The following NLGN1 variants were observed in gnomAD, a reference collection of about 807,000 sequenced individuals.
NLGN1 encodes neuroligin 1, also known as neuroligin-1.
A neutral mutation model predicts 65.5 loss-of-function variants in NLGN1; 12 were observed. The observed-to-expected ratio is 0.18, with a 90% CI of 0.12 to 0.30. NLGN1 has a LOEUF of 0.30. NLGN1 is among the 10% of genes least tolerant of loss of function. The pLI is 1.00. For synonymous variants in NLGN1, 350 were observed against 359.5 expected, an observed-to-expected ratio of 0.97 and a Z score of 0.30; for missense variants, 750 against 1,007.1, an observed-to-expected ratio of 0.74 and a Z score of 3.46.
intron 4 of NLGN1, among the ~76,000 whole-genome samples, chr3:173,892,086 G>A (rs969466930): frequency 1.3e-5 from 2 of 151,902 alleles, no homozygotes; most frequent in Non-Finnish European, 1.5e-5. Context: ...ATCCTGATGC[G>A]TGAGAGAAGT....
intron 2 of NLGN1, among the ~76,000 whole-genome samples, chr3:173,468,109 G>A (rs1251346243): frequency 6.6e-6 from 1 of 152,102 alleles, no homozygotes; most frequent in Non-Finnish European, 1.5e-5. Context: ...TAGGCTGGAA[G>A]CACTTTAAGA....
At chr3:173,539,751 TAAC>T (rs1178517830) in intron 2 of NLGN1, among the ~76,000 whole-genome samples, 20 of 81,110 alleles carry the variant, frequency 2.5e-4, no homozygotes, top group East Asian at 9.1e-4. Context: ...TGTACATATA[TAAC>T]ATATACATGT....
intron 2 of NLGN1, among the ~76,000 whole-genome samples, chr3:173,511,120 C>A (rs1523342): frequency 0.43 from 64,652 of 151,530 alleles, 15,269 homozygotes; most frequent in East Asian, 0.85. Context: ...ATGAAGGCGT[C>A]TCATTTAGTA....
chr3:173,764,353 A>G (rs972745178), intron 3 of NLGN1, among the ~76,000 whole-genome samples: 8 of 152,314 alleles, frequency 5.3e-5, no homozygotes, highest in Admixed American at 2.6e-4. Context: ...ATGAAGGGCC[A>G]TGGACAGACT....
At chr3:173,409,939 A>G (rs1233898003) in intron 1 of NLGN1, among the ~76,000 whole-genome samples, 1 of 152,198 alleles carries the variant, frequency 6.6e-6, no homozygotes, top group East Asian at 1.9e-4. Flanking sequence ...GCCAAGAGGC[A>G]ATCTCTGGAG....
intron 3 of NLGN1, among the ~76,000 whole-genome samples, chr3:173,805,885 G>A (rs918611284): frequency 2.0e-5 from 3 of 152,124 alleles, no homozygotes; most frequent in Non-Finnish European, 4.4e-5. Flanking sequence ...TGCTTTCTCT[G>A]TGTAAGTCTA....
intron 2 of NLGN1, among the ~76,000 whole-genome samples, chr3:173,569,378 A>G (rs1249144244): frequency 1.3e-5 from 2 of 151,960 alleles, no homozygotes; most frequent in African/African-American, 4.8e-5. Flanking sequence ...AGTCACATGC[A>G]TTTTGTTACT....
chr3:173,714,222 G>C (rs1465406774), intron 3 of NLGN1, among the ~76,000 whole-genome samples: 1 of 152,058 alleles, frequency 6.6e-6, no homozygotes, highest in Non-Finnish European at 1.5e-5. Context: ...AATACATTTG[G>C]TGTTCAAAAT....
intron 3 of NLGN1, among the ~76,000 whole-genome samples, chr3:173,683,263 C>T (rs369390994): frequency 6.6e-6 from 1 of 152,142 alleles, no homozygotes; most frequent in Non-Finnish European, 1.5e-5. Context: ...ATCATTCCTA[C>T]ACATTTCAAG....
chr3:173,771,623 A>G (rs933233787), intron 3 of NLGN1, among the ~76,000 whole-genome samples: 2 of 25,564 alleles, frequency 7.8e-5, no homozygotes, highest in Non-Finnish European at 2.8e-4. Context: ...AATGGCTAGT[A>G]AACGCAGAAA....
chr3:173,953,425 A>G (rs569667722), intron 4 of NLGN1, among the ~76,000 whole-genome samples: 1 of 152,330 alleles, frequency 6.6e-6, no homozygotes, highest in Non-Finnish European at 1.5e-5. Flanking sequence ...GCTCTGTTCA[A>G]TTTTAGAGCT....
At chr3:174,005,898 A>C (rs1013670452) in intron 4 of NLGN1, among the ~76,000 whole-genome samples, 3 of 152,162 alleles carry the variant, frequency 2.0e-5, no homozygotes, top group Admixed American at 1.3e-4. Context: ...ATTTGTAAAA[A>C]TTAAATGATC....
At chr3:174,063,761 G>T (rs1347340799) in intron 4 of NLGN1, among the ~76,000 whole-genome samples, 1 of 152,096 alleles carries the variant, frequency 6.6e-6, no homozygotes, top group East Asian at 1.9e-4. Flanking sequence ...TTAACAGTTG[G>T]TAAATTTAGG....
intron 2 of NLGN1, among the ~76,000 whole-genome samples, chr3:173,562,584 G>A (rs182475066): frequency 2.4e-4 from 36 of 151,804 alleles, no homozygotes; most frequent in African/African-American, 8.4e-4. Context: ...AAGACAATAA[G>A]TAACTTTAAT....
Position 173,941,695 on chromosome 3 carries a change from G to A in NLGN1, c.646+133863G>A, listed in dbSNP as rs572149137. On this transcript the variant is annotated intron_variant, in intron 4 of 6. Coordinates refer to ENST00000457714, the Ensembl canonical transcript of NLGN1. Reference sequence around the variant, plus strand: ...AATTAAAAATATGTATATATATAGTGTGTATATATATATAAATACTATATA... The same window carrying A: ...AATTAAAAATATGTATATATATAGTATGTATATATATATAAATACTATATA... Among the ~76,000 whole-genome samples the A allele has an allele frequency of 4.0e-5, 6 of 151,810 alleles. No homozygotes were observed. The South Asian group carries it at 1.2e-3, about 32-fold the overall frequency.
chr3:174,209,442 G>A (rs555086371), intron 4 of NLGN1, among the ~76,000 whole-genome samples: 1 of 152,150 alleles, frequency 6.6e-6, no homozygotes, highest in South Asian at 2.1e-4. Context: ...GTATTTTCCA[G>A]TGGGTATCTC....
chr3:173,853,962 C>A (rs1727462858), intron 4 of NLGN1, among the ~76,000 whole-genome samples: 1 of 151,474 alleles, frequency 6.6e-6, no homozygotes, highest in Admixed American at 6.6e-5. Context: ...GATATATTCC[C>A]CCAAATATTT....
At chr3:173,450,787 G>C (rs1284757029) in intron 2 of NLGN1, among the ~76,000 whole-genome samples, 3 of 152,056 alleles carry the variant, frequency 2.0e-5, no homozygotes, top group South Asian at 2.1e-4. Flanking sequence ...CTCTAAACTT[G>C]TATTCACGCT....
intron 2 of NLGN1, among the ~76,000 whole-genome samples, chr3:173,438,840 T>C (rs1385946887): frequency 6.6e-6 from 1 of 152,114 alleles, no homozygotes; most frequent in African/African-American, 2.4e-5. Context: ...GAGGGAACAG[T>C]GTTATATGTT....
Sources: gnomAD v4.1 joint callset for allele counts (sites outside exome capture counted in the v4.1 genomes callset) on GRCh38, gnomAD v4.1.1 for gene constraint, MANE v1.5 for transcripts, NCBI Gene and HGNC (gene_info 2026-07-23, HGNC 2026-07-21) for gene names.